Variants in EPHA3 observed in about 807,000 individuals in gnomAD.
EPHA3 encodes ephrin type-A receptor 3.
Under a neutral mutation model 107.1 loss-of-function variants are expected in EPHA3, and 42 were observed. The ratio of observed to expected loss-of-function variants is 0.39; its 90% CI spans 0.31 to 0.51. EPHA3 has a LOEUF of 0.51. EPHA3 is among the 20% of genes least tolerant of loss of function. The pLI is 0.78. For missense variants in EPHA3, 1,183 were observed against 1,211.2 expected (o/e 0.98, Z 0.35); for synonymous variants, 461 against 424.8 (o/e 1.09, Z -1.05).
intron 3 of EPHA3, among the ~76,000 whole-genome samples, chr3:89,305,566 G>T (rs2107352141): frequency 6.6e-6 from 1 of 151,992 alleles, no homozygotes; most frequent in Middle Eastern, 3.2e-3. Context: ...CCTCCAAAAG[G>T]TATTCTTTAA....
At position 89,429,983 on chromosome 3, in the gene EPHA3, A is replaced by G. The variant is rs184655231; in HGVS notation, c.2136+816A>G. Among the ~76,000 whole-genome samples, 724 of 152,098 alleles carry G rather than the reference A, an allele frequency of 4.8e-3. 3 individuals carry two copies. The highest frequency in any genetic ancestry group is 0.017 in the African/African-American group (687 of 41,522). ...TTCACCATGTTGGCCAGGCTGGTTTAGAACCCCTGACCTCAGATGATCCGC... is the reference window on the plus strand; with the variant it reads ...TTCACCATGTTGGCCAGGCTGGTTTGGAACCCCTGACCTCAGATGATCCGC... On this transcript the variant is annotated intron_variant, in intron 12 of 16. Coordinates refer to ENST00000336596, the MANE Select transcript of EPHA3 (RefSeq NM_005233.6).
At chr3:89,310,106 G>A (rs1706728474) in intron 3 of EPHA3, among the ~76,000 whole-genome samples, 1 of 152,030 alleles carries the variant, frequency 6.6e-6, no homozygotes, top group African/African-American at 2.4e-5. Flanking sequence ...TTGTTAAAAT[G>A]TTCACTGACT....
At chr3:89,262,355 C>T (rs1391515379) in intron 3 of EPHA3, among the ~76,000 whole-genome samples, 1 of 152,138 alleles carries the variant, frequency 6.6e-6, no homozygotes, top group Admixed American at 6.5e-5. Flanking sequence ...TGGGGCCATA[C>T]TCCCTCTGAG....
At chr3:89,137,523 A>G (rs1159104910) in intron 2 of EPHA3, among the ~76,000 whole-genome samples, 1 of 152,100 alleles carries the variant, frequency 6.6e-6, no homozygotes, top group East Asian at 1.9e-4. Flanking sequence ...AATGATAGTC[A>G]TTGAACCTAA....
At chr3:89,293,624 G>A (rs563351064) in intron 3 of EPHA3, among the ~76,000 whole-genome samples, 15 of 152,234 alleles carry the variant, frequency 9.9e-5, no homozygotes, top group Non-Finnish European at 2.1e-4. Context: ...TCATGATAAT[G>A]AGTGAGTTCT....
intron 5 of EPHA3, among the ~76,000 whole-genome samples, chr3:89,389,745 G>A (rs1708687843): frequency 6.6e-6 from 1 of 152,242 alleles, no homozygotes; most frequent in Non-Finnish European, 1.5e-5. Flanking sequence ...CATGTATCAA[G>A]TGTAATTCTA....
intron 15 of EPHA3, among the ~76,000 whole-genome samples, chr3:89,453,606 G>T (rs568072778): frequency 6.6e-6 from 1 of 152,086 alleles, no homozygotes. Flanking sequence ...TGCACGATGG[G>T]TTAGATTTTG....
At chr3:89,244,082 A>G (rs1704974897) in intron 3 of EPHA3, among the ~76,000 whole-genome samples, 1 of 152,294 alleles carries the variant, frequency 6.6e-6, no homozygotes, top group Non-Finnish European at 1.5e-5. Flanking sequence ...ATATGAAAAT[A>G]TGGCCCTTAC....
intron 2 of EPHA3, among the ~76,000 whole-genome samples, chr3:89,204,866 A>C (rs1401521270): frequency 2.0e-5 from 3 of 152,146 alleles, no homozygotes; most frequent in Non-Finnish European, 4.4e-5. Flanking sequence ...CATAAGAATA[A>C]AAAACGTGAG....
intron 2 of EPHA3, among the ~76,000 whole-genome samples, chr3:89,208,463 A>G (rs561700925): frequency 1.0e-5 from 1 of 100,370 alleles, no homozygotes; most frequent in Non-Finnish European, 1.9e-5. Context: ...AGAAAGAAAG[A>G]AAGAAAGAAA....
At chr3:89,419,530 G>A in intron 11 of EPHA3, 140 bp downstream of exon 11, 1 of 640,582 alleles carries the variant, frequency 1.6e-6, no homozygotes, top group Non-Finnish European at 2.5e-6. Flanking sequence ...GGAATAGCAT[G>A]CCTTTCTTTG....
At chr3:89,380,240 T>C (rs1440589727) in intron 5 of EPHA3, among the ~76,000 whole-genome samples, 1 of 152,180 alleles carries the variant, frequency 6.6e-6, no homozygotes, top group Non-Finnish European at 1.5e-5. Flanking sequence ...AGGCATGTGA[T>C]ATGTATAAGG....
intron 3 of EPHA3, among the ~76,000 whole-genome samples, chr3:89,328,964 G>A (rs555516365): frequency 1.3e-5 from 2 of 152,152 alleles, no homozygotes; most frequent in South Asian, 2.1e-4. Context: ...AATGTGTGCC[G>A]CTGTCTAAGA....
intron 2 of EPHA3, among the ~76,000 whole-genome samples, chr3:89,208,859 A>G (rs769625209): frequency 5.3e-5 from 8 of 152,190 alleles, no homozygotes; most frequent in Non-Finnish European, 1.0e-4. Flanking sequence ...ATCCCTAGAA[A>G]ACTTTACATT....
intron 3 of EPHA3, among the ~76,000 whole-genome samples, chr3:89,254,267 T>C (rs1385774554): frequency 1.3e-5 from 2 of 152,190 alleles, no homozygotes; most frequent in South Asian, 2.1e-4. Flanking sequence ...GCAGACCTAA[T>C]ACATGCCTGA....
chr3:89,385,623 A>C (rs2107491080), intron 5 of EPHA3, among the ~76,000 whole-genome samples: 1 of 152,310 alleles, frequency 6.6e-6, no homozygotes, highest in South Asian at 2.1e-4. Flanking sequence ...TCTTTATAGC[A>C]GTGTGAGAGA....
intron 3 of EPHA3, among the ~76,000 whole-genome samples, chr3:89,311,674 T>G (rs757503385): frequency 1.3e-5 from 2 of 152,080 alleles, no homozygotes; most frequent in African/African-American, 2.4e-5. Flanking sequence ...AATTCATGTT[T>G]ATTATTCTGG....
intron 10 of EPHA3, among the ~76,000 whole-genome samples, chr3:89,417,936 A>G (rs186460322): frequency 6.6e-6 from 1 of 151,434 alleles, no homozygotes; most frequent in African/African-American, 2.4e-5. Context: ...TCTGGGGATG[A>G]GTCAAGCCTG....
chr3:89,299,297 GA>G (rs1303334716), intron 3 of EPHA3, among the ~76,000 whole-genome samples: 1 of 151,874 alleles, frequency 6.6e-6, no homozygotes, highest in Non-Finnish European at 1.5e-5. Context: ...TAACAAAGAT[GA>G]AAAGAAAAGA....
Sources: allele counts gnomAD v4.1 joint callset (sites outside exome capture counted in the v4.1 genomes callset), GRCh38; gene constraint gnomAD v4.1.1; transcripts MANE v1.5; gene names NCBI Gene and HGNC (gene_info 2026-07-23, HGNC 2026-07-21).